Variants in CHRNB4 observed in about 807,000 individuals in gnomAD.
The protein encoded by CHRNB4 is cholinergic receptor nicotinic beta 4 subunit.
In CHRNB4, 23 loss-of-function variants were observed where a neutral mutation model predicts 40.4. The observed-to-expected ratio is 0.57, with a 90% confidence interval of 0.41 to 0.81. The LOEUF (loss-of-function observed/expected upper bound fraction) is 0.81, where lower values mean the gene tolerates loss of function less well. Ranked by LOEUF, CHRNB4 falls within the 30% of genes least tolerant of loss-of-function variation. The pLI is 0.00. For missense variants in CHRNB4, 568 were observed against 670.6 expected, an observed-to-expected ratio of 0.85 and a Z score of 1.69; for synonymous variants, 285 against 274.4, an observed-to-expected ratio of 1.04 and a Z score of -0.38.
intron 1 of CHRNB4, among the ~76,000 whole-genome samples, chr15:78,638,069 C>A: frequency 6.6e-6 from 1 of 152,226 alleles, no homozygotes; most frequent in East Asian, 1.9e-4. Context: ...ATGTCTGAGG[C>A]AGCTCTGGGG....
At chr15:78,649,984 G>T (rs1325420840) in intron 6 of CHRNB4, among the ~76,000 whole-genome samples, 2 of 151,542 alleles carry the variant, frequency 1.3e-5, no homozygotes, top group Non-Finnish European at 1.5e-5. Context: ...ATTTATGTAT[G>T]TTTGAAATAT....
chr15:78,631,262 G>C (rs749603795), intron 3 of CHRNB4, 26 bp downstream of exon 3: 12 of 1,613,802 alleles, frequency 7.4e-6, no homozygotes, highest in African/African-American at 2.7e-5. Context: ...AGATCTCTGG[G>C]GCTCAGGGCC....
At chr15:78,625,509 C>T (rs949747016) in intron 5 of CHRNB4, among the ~76,000 whole-genome samples, 6 of 152,292 alleles carry the variant, frequency 3.9e-5, no homozygotes, top group East Asian at 3.9e-4. Context: ...TCCCCCACAG[C>T]GTTGGAGGGG....
Position 78,653,312 on chromosome 15 carries a change from T to A in CHRNB4, c.-109-641A>T, listed in dbSNP as rs902632820. On this transcript the variant is annotated intron_variant and NMD_transcript_variant, in intron 5 of 11. Coordinates refer to the CHRNB4 transcript ENST00000559849. ...TAAGTCTAAAGGGTTCACTCTACCT[T>A]GTCCTGAATCATCTCCTCCCTCCTT... Among the ~76,000 whole-genome samples, 3 of 152,234 alleles carry A rather than the reference T, an allele frequency of 2.0e-5. 1 individual carries two copies. The South Asian group carries it at 6.2e-4, about 32-fold the overall frequency.
intron 5 of CHRNB4, chr15:78,627,893 C>T (rs1259076663): frequency 2.0e-5 from 3 of 152,158 alleles, no homozygotes; most frequent in South Asian, 2.1e-4. Flanking sequence ...AGGTCAGGTT[C>T]GGTGGCTCAA....
chr15:78,639,008 T>C (rs1224253916), intron 1 of CHRNB4, among the ~76,000 whole-genome samples: 2 of 152,152 alleles, frequency 1.3e-5, no homozygotes, highest in Admixed American at 1.3e-4. Context: ...TTGGGAAGAA[T>C]TGTTCCCTGC....
At chr15:78,661,007 C>A, upstream of CHRNB4, 1 of 516,002 alleles carries the variant, frequency 1.9e-6, no homozygotes, top group South Asian at 1.6e-5. Flanking sequence ...TCTCTTCTTC[C>A]AAAATCTTTT....
At position 78,624,121 on chromosome 15, in the gene CHRNB4, A is replaced by C. The variant is rs1047510431; in HGVS notation, c.*1012T>G. The C allele has an allele frequency of 2.0e-5, 3 of 152,178 alleles. No homozygotes were observed. Among genetic ancestry groups the C allele is most frequent in the Non-Finnish European group, 2.9e-5 (2 of 68,040 alleles). 9.4% of individuals were successfully genotyped at this position (152,178 alleles called of 1,614,324 possible). Reference sequence around the variant, plus strand: ...GGTAGGAGCCATTCATTCATTCAACAAACATTTATTGAGCACCTACTGTGT... The same window carrying C: ...GGTAGGAGCCATTCATTCATTCAACCAACATTTATTGAGCACCTACTGTGT... On this transcript the variant is annotated 3_prime_UTR_variant, in exon 6 of 6. Transcript: ENST00000261751.
At chr15:78,661,059 G>C (rs1349332504), upstream of CHRNB4, 5 of 593,734 alleles carry the variant, frequency 8.4e-6, no homozygotes, top group East Asian at 2.2e-4. Context: ...TGTAGTCTCG[G>C]CTGGCCCTTT....
rs149068420 is a variant in CHRNB4 at position 78,632,019 on chromosome 15, G to A, written c.205-687C>T. Among the ~76,000 whole-genome samples, 1,194 of 152,016 alleles carry A rather than the reference G, an allele frequency of 7.9e-3. 19 individuals carry two copies. The highest frequency in any genetic ancestry group is 0.027 in the African/African-American group (1,139 of 41,436). On this transcript the variant is annotated intron_variant, in intron 2 of 5. Coordinates refer to ENST00000261751, the MANE Select transcript of CHRNB4 (RefSeq NM_000750.5). Reference sequence around the variant, plus strand: ...CTGCACACACTGTTCCCTTTTCCTGGAAACCCCCTGGGATGCTTCCACACT... The same window carrying A: ...CTGCACACACTGTTCCCTTTTCCTGAAAACCCCCTGGGATGCTTCCACACT...
intron 2 of CHRNB4, among the ~76,000 whole-genome samples, chr15:78,633,131 TGTTCTCA>T (rs2053870369): frequency 6.6e-6 from 1 of 152,206 alleles, no homozygotes; most frequent in Non-Finnish European, 1.5e-5. Flanking sequence ...ATAAGTCTTG[TGTTCTCA>T]GTCTGTACAA....
chr15:78,628,224 T>C (rs949326770), intron 5 of CHRNB4: 6 of 152,212 alleles, frequency 3.9e-5, no homozygotes, highest in African/African-American at 1.4e-4. Context: ...ATTAATTCAT[T>C]ACCCTGGTAA....
At chr15:78,647,168 A>T (rs1010180514) in intron 7 of CHRNB4, among the ~76,000 whole-genome samples, 1 of 152,232 alleles carries the variant, frequency 6.6e-6, no homozygotes, top group African/African-American at 2.4e-5. Context: ...GCATAAGCTC[A>T]AAAGAAAAAT....
At chr15:78,628,880 TG>T in intron 5 of CHRNB4, 86 bp downstream of exon 5, 2 of 1,489,128 alleles carry the variant, frequency 1.3e-6, no homozygotes, top group Non-Finnish European at 1.8e-6. Context: ...TTGTCTCCTA[TG>T]AATTAACTGC....
rs745390394 is a variant in CHRNB4, at chr15:78,635,443, C to A, written c.200G>T (p.Ser67Ile). ...ACAGCTGCCCTCTGCACCTACCACG[C>A]TGATAAGCTGGGCCAGGGAGAGCTG... ...KLQLSLAQLI[S>I]VNEREQIMTT... Residue 67 changes from serine to isoleucine, a missense_variant, in exon 2 of 6, where the codon AGC (serine) becomes ATC (isoleucine). Physicochemically the swap from Ser to Ile is moderately radical, Grantham distance 142. Transcript: ENST00000261751. 11 of 1,613,678 alleles carry A rather than the reference C, an allele frequency of 6.8e-6. No individual in the cohort carries two copies. The East Asian group carries it at 1.8e-4, about 26-fold the overall frequency.
Position 78,624,906 on chromosome 15 carries a change from T to G in CHRNB4, c.*227A>C. The G allele has an allele frequency of 7.0e-7, 1 of 1,427,450 alleles. No individual in the cohort carries two copies. The highest frequency in any genetic ancestry group is 2.5e-5 in the East Asian group (1 of 40,028). The allele number at this position is 1,427,450 out of a possible 1,614,324, so 88.4% of individuals were successfully genotyped here. On this transcript the variant is annotated 3_prime_UTR_variant, in exon 6 of 6. Coordinates refer to ENST00000261751, the MANE Select transcript of CHRNB4 (RefSeq NM_000750.5). ...GAAGGAAGACAGGCCAGAATTGAAC[T>G]GTCTGAAGCTCCCTCCTACTGGGGC...
intron 1 of CHRNB4, among the ~76,000 whole-genome samples, chr15:78,659,273 A>G (rs1383054690): frequency 1.3e-5 from 2 of 152,098 alleles, no homozygotes; most frequent in African/African-American, 4.8e-5. Context: ...TTCCAAAACA[A>G]ACAAACAAAC....
intron 5 of CHRNB4, among the ~76,000 whole-genome samples, chr15:78,654,970 C>T (rs555411951): frequency 3.0e-4 from 46 of 152,170 alleles, no homozygotes; most frequent in African/African-American, 9.9e-4. Context: ...ACTTTATGGA[C>T]GGATAACTGG....
chr15:78,659,530 A>G (rs1176828612), intron 1 of CHRNB4, among the ~76,000 whole-genome samples: 1 of 152,140 alleles, frequency 6.6e-6, no homozygotes, highest in Non-Finnish European at 1.5e-5. Flanking sequence ...GGTGACAGAG[A>G]AGGGGTACCC....
Sources: allele counts gnomAD v4.1 joint callset (sites outside exome capture counted in the v4.1 genomes callset), GRCh38; gene constraint gnomAD v4.1.1; transcripts MANE v1.5; gene names NCBI Gene and HGNC (gene_info 2026-07-23, HGNC 2026-07-21).